The following LHFPL3 variants were observed in gnomAD, a reference collection of about 807,000 sequenced individuals.
LHFPL3 encodes the protein LHFPL tetraspan subfamily member 3 protein.
A neutral mutation model predicts 19.3 loss-of-function variants in LHFPL3; 5 were observed. That is an observed-to-expected ratio of 0.26 (90% CI 0.14 to 0.54). LHFPL3 has a LOEUF of 0.54. LHFPL3 is among the 20% of genes least tolerant of loss of function. The pLI is 0.94. For missense variants in LHFPL3, 249 were observed against 307.4 expected (o/e 0.81, Z 1.42); for synonymous variants, 133 against 126.2 (o/e 1.05, Z -0.36).
At chr7:104,760,627 G>A (rs1794355981) in intron 2 of LHFPL3, among the ~76,000 whole-genome samples, 1 of 151,584 alleles carries the variant, frequency 6.6e-6, no homozygotes, top group Non-Finnish European at 1.5e-5. Flanking sequence ...ATTTTTTTAA[G>A]CCAAGTGATA....
In LHFPL3 at chr7:104,620,120, C is replaced by T. The variant is rs79720699; in HGVS notation, c.446-116555C>T. ...GGTCTGTGACCTGGGGATTGGGTAC[C>T]CCTGATGTAATATATCAAGATCATG... On this transcript the variant is annotated intron_variant, in intron 1 of 2. Transcript: ENST00000424859. Among the ~76,000 whole-genome samples the T allele has an allele frequency of 4.1e-3, 618 of 152,196 alleles. 35 individuals carry two copies. In the East Asian group the frequency reaches 0.099, roughly 24 times the overall value.
intron 1 of LHFPL3, 121 bp from the exon 2 acceptor site, chr7:104,736,554 T>C: frequency 1.5e-6 from 1 of 687,668 alleles, no homozygotes; most frequent in East Asian, 2.7e-5. Flanking sequence ...TGAGATTTGC[T>C]GTTTTTTAAA....
In LHFPL3 at chr7:104,349,131, G is replaced by A. The variant is rs372226851; in HGVS notation, c.445+19907G>A. 3.0e-4 allele frequency among the ~76,000 whole-genome samples: 45 copies of A among 152,132 alleles called. No homozygotes were observed. The East Asian group carries it at 8.3e-3, about 28-fold the overall frequency. On this transcript the variant is annotated intron_variant, in intron 1 of 2. Transcript: ENST00000424859. ...AATGAAGAAAGAAAAACCTATATAG[G>A]TAGAGAAAGAACATTTTACTTAGAA...
chr7:104,610,034 T>C (rs1425725269), intron 1 of LHFPL3, among the ~76,000 whole-genome samples: 3 of 152,212 alleles, frequency 2.0e-5, no homozygotes, highest in Admixed American at 6.5e-5. Context: ...CACAGAGTTA[T>C]TGCTAAAACC....
At chr7:104,743,867 G>A (rs572883154) in intron 2 of LHFPL3, among the ~76,000 whole-genome samples, 7 of 151,798 alleles carry the variant, frequency 4.6e-5, no homozygotes, top group Non-Finnish European at 7.4e-5. Context: ...AGGGTCTCAC[G>A]CTCACGCTGT....
At chr7:104,450,238 G>T (rs544466467) in intron 1 of LHFPL3, among the ~76,000 whole-genome samples, 2 of 152,174 alleles carry the variant, frequency 1.3e-5, no homozygotes, top group African/African-American at 4.8e-5. Context: ...TATGGAGCTT[G>T]GTATCAAAGC....
At chr7:104,867,916 G>T (rs1791758702) in intron 2 of LHFPL3, among the ~76,000 whole-genome samples, 1 of 152,184 alleles carries the variant, frequency 6.6e-6, no homozygotes, top group African/African-American at 2.4e-5. Flanking sequence ...ATGCAAGGCT[G>T]GTTCAACATA....
intron 2 of LHFPL3, among the ~76,000 whole-genome samples, chr7:104,765,273 G>C (rs73713435): frequency 0.22 from 33,643 of 152,160 alleles, 3,992 homozygotes; most frequent in South Asian, 0.43. Flanking sequence ...GACTCTAGCA[G>C]GCTCCTAAGG....
intron 1 of LHFPL3, among the ~76,000 whole-genome samples, chr7:104,416,169 G>A (rs1400367884): frequency 6.6e-6 from 1 of 152,094 alleles, no homozygotes; most frequent in African/African-American, 2.4e-5. Context: ...GGGAGAAGAT[G>A]GCCAAGTGAC....
chr7:104,604,102 C>T (rs1791040682), intron 1 of LHFPL3, among the ~76,000 whole-genome samples: 2 of 152,218 alleles, frequency 1.3e-5, no homozygotes, highest in Non-Finnish European at 2.9e-5. Context: ...TGCCTTGGCC[C>T]CCAGGCTTTC....
At chr7:104,743,196 G>A (rs1486062048) in intron 2 of LHFPL3, among the ~76,000 whole-genome samples, 1 of 152,080 alleles carries the variant, frequency 6.6e-6, no homozygotes, top group Non-Finnish European at 1.5e-5. Context: ...TGCTTCAGAT[G>A]TGTACCCACC....
intron 1 of LHFPL3, among the ~76,000 whole-genome samples, chr7:104,395,388 A>C (rs748176980): frequency 7.2e-5 from 11 of 152,194 alleles, no homozygotes; most frequent in Non-Finnish European, 1.5e-4. Flanking sequence ...CTTTTAGTAC[A>C]TTCAGTGACT....
intron 2 of LHFPL3, among the ~76,000 whole-genome samples, chr7:104,791,372 A>G (rs945069032): frequency 1.3e-5 from 2 of 152,254 alleles, no homozygotes; most frequent in African/African-American, 4.8e-5. Context: ...AGTTAAGCAT[A>G]GAGAAAGGAT....
chr7:104,583,358 C>G (rs1406377947), intron 1 of LHFPL3, among the ~76,000 whole-genome samples: 1 of 152,098 alleles, frequency 6.6e-6, no homozygotes, highest in Non-Finnish European at 1.5e-5. Flanking sequence ...CATAAAAACC[C>G]TAGAAGAAAA....
chr7:104,542,807 T>C (rs372147856), intron 1 of LHFPL3, among the ~76,000 whole-genome samples: 1 of 152,158 alleles, frequency 6.6e-6, no homozygotes, highest in Non-Finnish European at 1.5e-5. Context: ...ACTGAGTATA[T>C]ACCCAAAGGA....
intron 1 of LHFPL3, among the ~76,000 whole-genome samples, chr7:104,415,905 C>T (rs1791611993): frequency 6.6e-6 from 1 of 152,154 alleles, no homozygotes; most frequent in Non-Finnish European, 1.5e-5. Context: ...CTCACTGCTG[C>T]CACCAAGCAG....
At chr7:104,533,271 A>T (rs1307662326) in intron 1 of LHFPL3, among the ~76,000 whole-genome samples, 2 of 152,134 alleles carry the variant, frequency 1.3e-5, no homozygotes, top group Non-Finnish European at 2.9e-5. Flanking sequence ...ACTCTGTCAT[A>T]GTTCTCCTCC....
intron 1 of LHFPL3, among the ~76,000 whole-genome samples, chr7:104,495,134 T>A (rs1443461883): frequency 1.3e-5 from 2 of 152,176 alleles, no homozygotes; most frequent in South Asian, 4.1e-4. Flanking sequence ...AATTTCTTCC[T>A]CAGAGAAGGT....
intron 2 of LHFPL3, among the ~76,000 whole-genome samples, chr7:104,835,391 AGATT>A (rs1791070893): frequency 6.6e-6 from 1 of 151,882 alleles, no homozygotes; most frequent in Non-Finnish European, 1.5e-5. Flanking sequence ...AGAGCCTAGG[AGATT>A]CTCTGTAGGC....
Sources: gnomAD v4.1 joint callset for allele counts (sites outside exome capture counted in the v4.1 genomes callset) on GRCh38, gnomAD v4.1.1 for gene constraint, MANE v1.5 for transcripts, NCBI Gene and HGNC (gene_info 2026-07-23, HGNC 2026-07-21) for gene names.